Variants in SHISA9 observed in about 807,000 individuals in gnomAD.
SHISA9 encodes shisa family member 9, also known as protein shisa-9.
Under a neutral mutation model 38.0 loss-of-function variants are expected in SHISA9, and 13 were observed. The observed-to-expected ratio is 0.34, with a 90% CI of 0.22 to 0.54. The LOEUF (loss-of-function observed/expected upper bound fraction) is 0.54, where lower values mean the gene tolerates loss of function less well. Ranked by LOEUF, SHISA9 falls within the 20% of genes least tolerant of loss-of-function variation. The probability of loss-of-function intolerance (pLI) is 0.91; values close to 1 mark genes in which losing one functional copy is unlikely to be tolerated. For missense variants in SHISA9, 538 were observed against 575.8 expected, an observed-to-expected ratio of 0.93 and a Z score of 0.67; for synonymous variants, 275 against 242.0, an observed-to-expected ratio of 1.14 and a Z score of -1.27.
chr16:13,205,908 T>G (rs967725789), intron 3 of SHISA9, among the ~76,000 whole-genome samples: 2 of 151,468 alleles, frequency 1.3e-5, no homozygotes, highest in Admixed American at 6.6e-5. Flanking sequence ...GTTACAGGCA[T>G]GCACCACTAT....
chr16:13,358,519 T>C, the SHISA9 span, among the ~76,000 whole-genome samples: 16 of 152,354 alleles, frequency 1.1e-4, no homozygotes, highest in African/African-American at 3.8e-4. Context: ...GTGAGGATGT[T>C]GCTGGCATAA....
At chr16:13,189,923 T>G (rs1454662460) in intron 2 of SHISA9, among the ~76,000 whole-genome samples, 1 of 151,646 alleles carries the variant, frequency 6.6e-6, no homozygotes, top group African/African-American at 2.4e-5. Flanking sequence ...TAGAAGGAAT[T>G]AGGAGGAGAG....
chr16:13,539,358 T>TA, the SHISA9 span, among the ~76,000 whole-genome samples: 10 of 65,326 alleles, frequency 1.5e-4, no homozygotes, highest in African/African-American at 3.7e-4. Context: ...TATATATATA[T>TA]AAAGACAGGA....
chr16:12,901,630 C>T lies in SHISA9; in HGVS notation c.-435C>T, dbSNP rs2071014506. The T allele has an allele frequency of 6.7e-6, 1 of 149,870 alleles. No individual in the cohort carries two copies. The highest frequency in any genetic ancestry group is 6.6e-5 in the Admixed American group (1 of 15,098). The allele number at this position is 149,870 out of a possible 1,614,324, so 9.3% of individuals were successfully genotyped here. ...AAGTGTCGCTTCGCTCTCTTCAGCGCACTTGGCGAGCTGGTGAGGTGAGAG... is the reference window on the plus strand; with the variant it reads ...AAGTGTCGCTTCGCTCTCTTCAGCGTACTTGGCGAGCTGGTGAGGTGAGAG... On this transcript the variant is annotated 5_prime_UTR_variant, in exon 1 of 5. Coordinates refer to ENST00000558583, the MANE Select transcript of SHISA9 (RefSeq NM_001145204.3).
intron 2 of SHISA9, among the ~76,000 whole-genome samples, chr16:13,123,074 T>C (rs2050227634): frequency 6.6e-6 from 1 of 152,212 alleles, no homozygotes; most frequent in African/African-American, 2.4e-5. Flanking sequence ...CATTTCTGTT[T>C]TATAGATGAG....
At chr16:13,372,925 T>TTACA in the SHISA9 span, among the ~76,000 whole-genome samples, 1 of 151,598 alleles carries the variant, frequency 6.6e-6, no homozygotes, top group Admixed American at 6.6e-5. Flanking sequence ...GATATACTGT[T>TTACA]TAGTGTATGT....
At chr16:12,939,842 G>A (rs998324538) in intron 2 of SHISA9, among the ~76,000 whole-genome samples, 6 of 152,108 alleles carry the variant, frequency 3.9e-5, no homozygotes, top group East Asian at 1.9e-4. Flanking sequence ...AGTTCTCTCC[G>A]CAGAACCTCA....
chr16:13,023,882 A>C (rs2141869323), intron 2 of SHISA9, among the ~76,000 whole-genome samples: 1 of 152,326 alleles, frequency 6.6e-6, no homozygotes, highest in Non-Finnish European at 1.5e-5. Flanking sequence ...CATATCTTTC[A>C]GAGGGACATT....
intron 2 of SHISA9, among the ~76,000 whole-genome samples, chr16:13,076,407 C>G (rs2073582938): frequency 1.3e-5 from 2 of 152,154 alleles, no homozygotes; most frequent in African/African-American, 4.8e-5. Flanking sequence ...TTTGAGGCAC[C>G]AGGGTATAAG....
the SHISA9 span, among the ~76,000 whole-genome samples, chr16:13,442,301 G>C: frequency 6.6e-6 from 1 of 150,682 alleles, no homozygotes; most frequent in Non-Finnish European, 1.5e-5. Flanking sequence ...GTCTGCAAAT[G>C]TTAACAAGGA....
At chr16:13,454,617 T>C in the SHISA9 span, among the ~76,000 whole-genome samples, 3 of 152,150 alleles carry the variant, frequency 2.0e-5, no homozygotes, top group South Asian at 6.2e-4. Flanking sequence ...AAAATGGCGA[T>C]TCAAATATAG....
the SHISA9 span, among the ~76,000 whole-genome samples, chr16:13,449,113 G>A: frequency 2.4e-4 from 36 of 152,244 alleles, no homozygotes; most frequent in African/African-American, 7.9e-4. Context: ...CAAGCCATGT[G>A]AAATGAAGTT....
At chr16:13,102,640 T>C (rs1375034276) in intron 2 of SHISA9, among the ~76,000 whole-genome samples, 1 of 152,164 alleles carries the variant, frequency 6.6e-6, no homozygotes, top group East Asian at 1.9e-4. Context: ...TAATTGATTT[T>C]CCTCCTTTTG....
the SHISA9 span, among the ~76,000 whole-genome samples, chr16:13,252,010 C>G: frequency 6.6e-6 from 1 of 152,330 alleles, no homozygotes; most frequent in East Asian, 1.9e-4. Flanking sequence ...AATTCTGCAA[C>G]AATGCATAGT....
intron 2 of SHISA9, among the ~76,000 whole-genome samples, chr16:12,942,507 C>A (rs1203992576): frequency 6.6e-6 from 1 of 152,200 alleles, no homozygotes; most frequent in Non-Finnish European, 1.5e-5. Context: ...CCTTATACAT[C>A]CCATTATTGA....
intron 1 of SHISA9, chr16:12,911,396 T>C (rs1329277237): frequency 2.0e-6 from 2 of 985,272 alleles, no homozygotes; most frequent in Non-Finnish European, 2.4e-6. Context: ...GTCTATAAAA[T>C]GTTTTTTTGT....
the SHISA9 span, among the ~76,000 whole-genome samples, chr16:13,294,742 T>C: frequency 6.6e-6 from 1 of 152,168 alleles, no homozygotes; most frequent in South Asian, 2.1e-4. Flanking sequence ...GGTCTCAAAC[T>C]CAAATACTTA....
chr16:13,142,121 C>A (rs2050407087), intron 2 of SHISA9, among the ~76,000 whole-genome samples: 1 of 152,190 alleles, frequency 6.6e-6, no homozygotes, highest in Non-Finnish European at 1.5e-5. Context: ...AGCATTGAAT[C>A]CATAGCCAGT....
At chr16:13,096,118 C>A (rs1318417079) in intron 2 of SHISA9, among the ~76,000 whole-genome samples, 3 of 152,176 alleles carry the variant, frequency 2.0e-5, no homozygotes, top group Middle Eastern at 3.2e-3. Context: ...CTCCTTTAAG[C>A]CTCTATTTCT....
Sources: gnomAD v4.1 joint callset for allele counts (sites outside exome capture counted in the v4.1 genomes callset) on GRCh38, gnomAD v4.1.1 for gene constraint, MANE v1.5 for transcripts, NCBI Gene and HGNC (gene_info 2026-07-23, HGNC 2026-07-21) for gene names.